The following PRKAB2 variants were observed in gnomAD, a reference collection of about 807,000 sequenced individuals.
PRKAB2 encodes protein kinase AMP-activated non-catalytic subunit beta 2, also known as 5'-AMP-activated protein kinase subunit beta-2.
In PRKAB2, 18 loss-of-function variants were observed where a neutral mutation model predicts 29.8. That is an observed-to-expected ratio of 0.60 (90% CI 0.42 to 0.89). The LOEUF is 0.89. Ranked by LOEUF, PRKAB2 falls within the 40% of genes least tolerant of loss-of-function variation. The pLI, the probability that PRKAB2 is intolerant of heterozygous loss-of-function variation, is 0.00. For missense variants in PRKAB2, 270 were observed against 344.3 expected (o/e 0.78, Z 1.71); for synonymous variants, 136 against 125.9 (o/e 1.08, Z -0.54).
intron 6 of PRKAB2, 128 bp from the exon 7 acceptor site, chr1:147,161,908 A>G (rs1320727582): frequency 1.5e-6 from 1 of 681,964 alleles, no homozygotes; most frequent in African/African-American, 1.8e-5. Flanking sequence ...TCTCTTTTCA[A>G]TAATGCACCC....
chr1:147,169,905 GC>G (rs1654433300), intron 2 of PRKAB2, among the ~76,000 whole-genome samples: 1 of 152,094 alleles, frequency 6.6e-6, no homozygotes, highest in Non-Finnish European at 1.5e-5. Flanking sequence ...AGCAAAGTAG[GC>G]CCCCCTGCCA....
At chr1:147,159,817 C>T (rs1277743036) in intron 7 of PRKAB2, among the ~76,000 whole-genome samples, 175 bp from the exon 8 acceptor site, 2 of 152,090 alleles carry the variant, frequency 1.3e-5, no homozygotes, top group Non-Finnish European at 2.9e-5. Flanking sequence ...CTACTTGTGG[C>T]CTTGGGTAAT....
Position 147,161,730 on chromosome 1 carries a change from G to A in PRKAB2, c.723C>T (p.Leu241=), listed in dbSNP as rs1427755694. The stretch of plus-strand genomic sequence containing the variant: ...CACTTACCTTAATGGACAATGCATA[G>A]AGATGGTTCAGCATAACATGGTTGG... ...PEPNHVMLNH[L]YALSIKDSVM... The change falls in exon 7 of 8, where the codon CTC becomes CTT. Residue 241 remains leucine, a synonymous_variant. Coordinates refer to ENST00000254101, the MANE Select transcript of PRKAB2 (RefSeq NM_005399.5). The A allele has an allele frequency of 6.2e-7, 1 of 1,612,944 alleles. No individual in the cohort carries two copies. Among genetic ancestry groups the A allele is most frequent in the African/African-American group, 1.3e-5 (1 of 74,864 alleles).
chr1:147,170,391 T>C (rs903796999), intron 2 of PRKAB2, among the ~76,000 whole-genome samples: 3 of 152,144 alleles, frequency 2.0e-5, no homozygotes, highest in Non-Finnish European at 1.5e-5. Context: ...ACAAATACAC[T>C]GTATTTAAAT....
chr1:147,160,681 T>C (rs1196275297), intron 7 of PRKAB2: 2 of 151,612 alleles, frequency 1.3e-5, no homozygotes, highest in Non-Finnish European at 2.9e-5. Flanking sequence ...TTTGTGGAAA[T>C]GAGGAATACC....
intron 7 of PRKAB2, among the ~76,000 whole-genome samples, chr1:147,160,463 A>C (rs1429759353): frequency 6.6e-6 from 1 of 152,174 alleles, no homozygotes; most frequent in Non-Finnish European, 1.5e-5. Flanking sequence ...ATGACATCCA[A>C]GGAGCAGTTA....
intron 5 of PRKAB2, among the ~76,000 whole-genome samples, chr1:147,163,743 A>G (rs1463798659): frequency 6.6e-6 from 1 of 152,094 alleles, no homozygotes; most frequent in Non-Finnish European, 1.5e-5. Context: ...TGCGGGTGAT[A>G]AAAATGCTCT....
At chr1:147,168,210 T>TA (rs1235606896) in intron 2 of PRKAB2, among the ~76,000 whole-genome samples, 7 of 148,372 alleles carry the variant, frequency 4.7e-5, no homozygotes, top group Non-Finnish European at 9.0e-5. Context: ...GACTCTCCCT[T>TA]AAAAAAAAAA....
In PRKAB2 at chr1:147,162,691, T is replaced by C. The variant is rs587712742; in HGVS notation, c.539-118A>G. ...ATGGTAGAAGTCCTGGATCACAAAC[T>C]TGTGACCTGTGGGATCTACAGCTGT... On this transcript the variant is annotated intron_variant, in intron 5 of 7. Coordinates refer to ENST00000254101, the MANE Select transcript of PRKAB2 (RefSeq NM_005399.5). The C allele has an allele frequency of 7.1e-3, 7,737 of 1,094,598 alleles. 40 individuals carry two copies. Among genetic ancestry groups the C allele is most frequent in the Non-Finnish European group, 8.9e-3 (6,990 of 789,044 alleles). 67.8% of individuals were successfully genotyped at this position (1,094,598 alleles called of 1,614,324 possible).
At chr1:147,171,727 G>A (rs940589589) in intron 2 of PRKAB2, among the ~76,000 whole-genome samples, 3 of 152,132 alleles carry the variant, frequency 2.0e-5, no homozygotes, top group Non-Finnish European at 4.4e-5. Flanking sequence ...GGGATGGGGG[G>A]ATGTCTATTG....
At chr1:147,169,465 G>A (rs1280657369) in intron 2 of PRKAB2, among the ~76,000 whole-genome samples, 3 of 151,996 alleles carry the variant, frequency 2.0e-5, no homozygotes, top group African/African-American at 4.8e-5. Flanking sequence ...CCTCAGATTC[G>A]GATGTAAGAT....
In PRKAB2 at chr1:147,166,595, G is replaced by A; in HGVS notation, c.441C>T (p.Gly147=). ...PSEPVVTSQL[G]TINNLIHVKK... ...TGACATGGATCAAATTGTTAATTGT[G>A]CCAAGCTGACTGGTAACCACAGGCT... The change falls in exon 5 of 8, where the codon GGC becomes GGT. Residue 147 remains glycine, a synonymous_variant. Coordinates refer to ENST00000254101, the MANE Select transcript of PRKAB2 (RefSeq NM_005399.5). The A allele has an allele frequency of 6.2e-7, 1 of 1,614,022 alleles. No individual in the cohort carries two copies. The highest frequency in any genetic ancestry group is 2.2e-5 in the East Asian group (1 of 44,872).
chr1:147,161,051 A>G lies in PRKAB2; in HGVS notation c.741+661T>C, dbSNP rs986772812. 7.2e-5 allele frequency among the ~76,000 whole-genome samples: 11 copies of G among 152,162 alleles called. No homozygotes were observed. The East Asian group carries it at 1.9e-3, about 27-fold the overall frequency. On this transcript the variant is annotated intron_variant, in intron 7 of 7. Transcript: ENST00000254101. ...CTAGGAATGGAGCTGCTGAATCTGT[A>G]TTTTTACAATCTTCTCCAGGAGACT...
At position 147,157,554 on chromosome 1, in the gene PRKAB2, A is replaced by G. The variant is rs1653735822; in HGVS notation, c.*2011T>C. On this transcript the variant is annotated 3_prime_UTR_variant, in exon 8 of 8. Coordinates refer to ENST00000254101, the MANE Select transcript of PRKAB2 (RefSeq NM_005399.5). ...ACACCTGTGTGGAGTAAAAATTTTC[A>G]TACATGAACACATACATATTACATT... The G allele has an allele frequency of 6.6e-6, 1 of 152,182 alleles. No individual in the cohort carries two copies. Among genetic ancestry groups the G allele is most frequent in the East Asian group, 1.9e-4 (1 of 5,194 alleles). 9.4% of individuals were successfully genotyped at this position (152,182 alleles called of 1,614,324 possible). A position where few individuals can be genotyped will look rare whatever the true frequency, so the allele number is the denominator to read the frequency against.
intron 3 of PRKAB2, 103 bp downstream of exon 3, chr1:147,167,664 C>T: frequency 7.4e-7 from 1 of 1,352,660 alleles, no homozygotes; most frequent in Non-Finnish European, 1.0e-6. Flanking sequence ...GTTCTAGAGA[C>T]AGTCCTTAGT....
At chr1:147,166,976 C>G in intron 3 of PRKAB2, 37 bp from the exon 4 acceptor site, 3 of 1,530,912 alleles carry the variant, frequency 2.0e-6, no homozygotes, top group Non-Finnish European at 2.7e-6. Context: ...AGGCCAAGTT[C>G]CTTTTAGAAG....
chr1:147,156,879 T>G lies in PRKAB2; in HGVS notation c.*2686A>C, dbSNP rs1289513230. 3.3e-5 allele frequency: 5 copies of G among 152,144 alleles called. No individual in the cohort carries two copies. The highest frequency in any genetic ancestry group is 7.2e-5 in the African/African-American group (3 of 41,452). The allele number at this position is 152,144 out of a possible 1,614,324, so 9.4% of individuals were successfully genotyped here. A position where few individuals can be genotyped will look rare whatever the true frequency, so the allele number is the denominator to read the frequency against. On this transcript the variant is annotated 3_prime_UTR_variant, in exon 8 of 8. Coordinates refer to ENST00000254101, the MANE Select transcript of PRKAB2 (RefSeq NM_005399.5). ...TGTGGTGTCTGATTTAATTTCTTTT[T>G]AAAAGAGATCATTTTCAGTTGTAAG...
intron 5 of PRKAB2, 53 bp from the exon 6 acceptor site, chr1:147,162,626 C>T: frequency 4.6e-6 from 7 of 1,525,180 alleles, no homozygotes; most frequent in Non-Finnish European, 6.2e-6. Context: ...AGCAAGAATG[C>T]ATGGAAAAAG....
In PRKAB2 at chr1:147,161,676, C is replaced by A. The variant is rs782800397; in HGVS notation, c.741+36G>T. 5 of 1,546,758 alleles carry A rather than the reference C, an allele frequency of 3.2e-6. No individual in the cohort carries two copies. In the African/African-American group the frequency reaches 6.8e-5, roughly 21 times the overall value. The stretch of plus-strand genomic sequence containing the variant: ...GTATGTTACCCTTGACCTCTCATTC[C>A]AGGGAGCTCTGTGAAGAGCCAGGGC... On this transcript the variant is annotated intron_variant, in intron 7 of 7. Transcript: ENST00000254101.
Sources: allele counts gnomAD v4.1 joint callset (sites outside exome capture counted in the v4.1 genomes callset), GRCh38; gene constraint gnomAD v4.1.1; transcripts MANE v1.5; gene names NCBI Gene and HGNC (gene_info 2026-07-23, HGNC 2026-07-21).